Variants in SULF1 observed in about 807,000 individuals in gnomAD.
SULF1 encodes the protein sulfatase 1, also known as extracellular sulfatase Sulf-1.
Under a neutral mutation model 110.5 loss-of-function variants are expected in SULF1, and 46 were observed. The observed-to-expected ratio is 0.42, with a 90% CI of 0.33 to 0.53. SULF1 has a LOEUF of 0.53. Ranked by LOEUF, SULF1 falls within the 20% of genes least tolerant of loss-of-function variation. The pLI, the probability that SULF1 is intolerant of heterozygous loss-of-function variation, is 0.12. For synonymous variants in SULF1, 371 were observed against 387.1 expected, an observed-to-expected ratio of 0.96 and a Z score of 0.49; for missense variants, 941 against 1,094.2, an observed-to-expected ratio of 0.86 and a Z score of 1.98.
At chr8:69,605,079 C>A in intron 13 of SULF1, 147 bp downstream of exon 13, 3 of 1,124,050 alleles carry the variant, frequency 2.7e-6, no homozygotes, top group South Asian at 1.6e-5. Flanking sequence ...GACACCTCTC[C>A]GCGGACAGAA....
chr8:69,471,989 G>T (rs1288661262), intron 1 of SULF1, among the ~76,000 whole-genome samples: 1 of 137,488 alleles, frequency 7.3e-6, no homozygotes, highest in Non-Finnish European at 1.6e-5. Flanking sequence ...GAGAGCAAGG[G>T]AGAGAAAGTG....
chr8:69,485,379 C>A (rs1442466219), intron 1 of SULF1, among the ~76,000 whole-genome samples: 1 of 152,140 alleles, frequency 6.6e-6, no homozygotes, highest in Non-Finnish European at 1.5e-5. Context: ...GTAAAAACTG[C>A]ATTCGTGAAA....
chr8:69,516,067 C>T (rs1811900295), intron 3 of SULF1, among the ~76,000 whole-genome samples: 1 of 152,210 alleles, frequency 6.6e-6, no homozygotes, highest in African/African-American at 2.4e-5. Flanking sequence ...ACTATCTTAA[C>T]CTCTGCCCAT....
chr8:69,533,523 A>T (rs913735560), intron 3 of SULF1, among the ~76,000 whole-genome samples: 3 of 151,972 alleles, frequency 2.0e-5, no homozygotes, highest in Non-Finnish European at 4.4e-5. Context: ...CTGTTCCTGC[A>T]TTAGTTTGCT....
At chr8:69,582,959 G>A (rs74591796) in intron 6 of SULF1, among the ~76,000 whole-genome samples, 2,928 of 152,268 alleles carry the variant, frequency 0.019, 82 homozygotes, top group African/African-American at 0.065. Context: ...CCAACTACAC[G>A]TAGTCAGCAC....
intron 21 of SULF1, 102 bp downstream of exon 21, chr8:69,638,960 C>T (rs1163896196): frequency 8.4e-7 from 1 of 1,197,272 alleles, no homozygotes; most frequent in East Asian, 2.6e-5. Context: ...ACATATAATT[C>T]AAGATACTTA....
chr8:69,525,433 G>T (rs1812593330), intron 3 of SULF1, among the ~76,000 whole-genome samples: 4 of 152,126 alleles, frequency 2.6e-5, no homozygotes, highest in Non-Finnish European at 5.9e-5. Flanking sequence ...CCCATGGTGA[G>T]CAGTGGCAAG....
chr8:69,652,653 C>T (rs954030395), intron 22 of SULF1, among the ~76,000 whole-genome samples: 1 of 152,150 alleles, frequency 6.6e-6, no homozygotes, highest in Non-Finnish European at 1.5e-5. Context: ...CTCTGTATAT[C>T]GTGAACTATA....
At chr8:69,530,088 A>G (rs1463728571) in intron 3 of SULF1, among the ~76,000 whole-genome samples, 3 of 152,194 alleles carry the variant, frequency 2.0e-5, no homozygotes, top group African/African-American at 4.8e-5. Flanking sequence ...CAGTAAATGC[A>G]TTCAGTTATA....
At chr8:69,626,327 C>G (rs546977358) in intron 15 of SULF1, among the ~76,000 whole-genome samples, 2 of 152,138 alleles carry the variant, frequency 1.3e-5, no homozygotes, top group Non-Finnish European at 2.9e-5. Context: ...AAACCTTGAG[C>G]TAAACACAGG....
At chr8:69,626,468 CCG>C (rs1291184221) in intron 15 of SULF1, among the ~76,000 whole-genome samples, 3 of 152,252 alleles carry the variant, frequency 2.0e-5, no homozygotes, top group Non-Finnish European at 4.4e-5. Flanking sequence ...TCTGCCAGTC[CCG>C]CGCCATGCGC....
At chr8:69,475,467 T>C (rs774894923) in intron 1 of SULF1, among the ~76,000 whole-genome samples, 24 of 151,700 alleles carry the variant, frequency 1.6e-4, no homozygotes, top group Admixed American at 8.5e-4. Context: ...AAGGAAAGGA[T>C]GGGTGTAAGA....
At chr8:69,559,289 T>C (rs4440643) in intron 3 of SULF1, among the ~76,000 whole-genome samples, 24,366 of 152,242 alleles carry the variant, frequency 0.16, 1,974 homozygotes, top group South Asian at 0.19. Context: ...CCATTGGTCA[T>C]CTTGTACTTC....
intron 3 of SULF1, among the ~76,000 whole-genome samples, chr8:69,558,104 T>C (rs1228310599): frequency 3.3e-5 from 5 of 152,136 alleles, no homozygotes; most frequent in Admixed American, 6.5e-5. Flanking sequence ...ATAAAGAAGA[T>C]AGCACATCCT....
At chr8:69,595,544 A>T (rs1481295887) in intron 8 of SULF1, among the ~76,000 whole-genome samples, 1 of 152,230 alleles carries the variant, frequency 6.6e-6, no homozygotes, top group African/African-American at 2.4e-5. Flanking sequence ...GTGAAAACTG[A>T]GATGGTGCAG....
chr8:69,521,755 G>C (rs1177100277), intron 3 of SULF1, among the ~76,000 whole-genome samples: 4 of 151,338 alleles, frequency 2.6e-5, no homozygotes, highest in Non-Finnish European at 5.9e-5. Context: ...TTTGTACAAA[G>C]GAAACATACA....
At chr8:69,481,680 T>C (rs1265348129) in intron 1 of SULF1, among the ~76,000 whole-genome samples, 1 of 152,218 alleles carries the variant, frequency 6.6e-6, no homozygotes, top group Non-Finnish European at 1.5e-5. Context: ...TGTGTTCTCA[T>C]CATTCAGCTC....
At chr8:69,615,217 T>A (rs1808997785) in intron 13 of SULF1, among the ~76,000 whole-genome samples, 1 of 152,242 alleles carries the variant, frequency 6.6e-6, no homozygotes, top group African/African-American at 2.4e-5. Context: ...CTTCTCATTA[T>A]TTTGACTATT....
chr8:69,517,388 T>G (rs1022653320), intron 3 of SULF1, among the ~76,000 whole-genome samples: 2 of 152,222 alleles, frequency 1.3e-5, no homozygotes, highest in Non-Finnish European at 2.9e-5. Context: ...AGCACCTGCT[T>G]TCTCAGCTTT....
Sources: gnomAD v4.1 joint callset for allele counts (sites outside exome capture counted in the v4.1 genomes callset) on GRCh38, gnomAD v4.1.1 for gene constraint, MANE v1.5 for transcripts, NCBI Gene and HGNC (gene_info 2026-07-23, HGNC 2026-07-21) for gene names.